The following CREB5 variants were observed in gnomAD, a reference collection of about 807,000 sequenced individuals.
CREB5 encodes cAMP responsive element binding protein 5.
CREB5 carries 19 observed loss-of-function variants against 57.1 expected under a neutral mutation model. The ratio of observed to expected loss-of-function variants is 0.33; its 90% CI spans 0.23 to 0.49. The LOEUF (loss-of-function observed/expected upper bound fraction) is 0.49. Among genes scored for constraint, CREB5 ranks in the 20% least tolerant of loss-of-function variants. CREB5 has a pLI of 0.99. For synonymous variants in CREB5, 238 were observed against 238.3 expected, an observed-to-expected ratio of 1.00 and a Z score of 0.01; for missense variants, 579 against 671.6, an observed-to-expected ratio of 0.86 and a Z score of 1.52.
chr7:28,818,976 C>T (rs1365727220), intron 10 of CREB5, 140 bp from the exon 11 acceptor site: 6 of 1,021,334 alleles, frequency 5.9e-6, no homozygotes, highest in Non-Finnish European at 8.6e-6. Context: ...TTGAAATTAA[C>T]TTTCAGAAGA....
At chr7:28,349,527 G>T (rs1165007059) in intron 1 of CREB5, among the ~76,000 whole-genome samples, 1 of 151,994 alleles carries the variant, frequency 6.6e-6, no homozygotes, top group African/African-American at 2.4e-5. Context: ...CAATAGGGAG[G>T]TGTGAAATTT....
At chr7:28,478,241 T>TA in intron 1 of CREB5, among the ~76,000 whole-genome samples, 1 of 152,150 alleles carries the variant, frequency 6.6e-6, no homozygotes, top group Non-Finnish European at 1.5e-5. Flanking sequence ...GTTGCTTCCT[T>TA]ATGAGATCAG....
intron 7 of CREB5, 199 bp downstream of exon 7, chr7:28,724,531 T>C: frequency 1.8e-6 from 1 of 557,696 alleles, no homozygotes; most frequent in South Asian, 2.1e-5. Context: ...TAACAAGCAC[T>C]GGATTGGCAA....
rs571836048 is a variant in CREB5, at chr7:28,682,494, T to C, written c.465-36259T>C. ...AAAAGGAAGAGATGCCACTTTTTTCTGAATAATTTTTAATACTAGGTTTAT... is the reference window on the plus strand; with the variant it reads ...AAAAGGAAGAGATGCCACTTTTTTCCGAATAATTTTTAATACTAGGTTTAT... On this transcript the variant is annotated intron_variant, in intron 5 of 10. Transcript: ENST00000357727. 1.3e-4 allele frequency among the ~76,000 whole-genome samples: 20 copies of C among 152,360 alleles called. No individual in the cohort carries two copies. The South Asian group carries it at 4.1e-3, about 32-fold the overall frequency.
chr7:28,325,046 C>CA (rs1785560588), intron 1 of CREB5, among the ~76,000 whole-genome samples: 1 of 152,230 alleles, frequency 6.6e-6, no homozygotes, highest in Non-Finnish European at 1.5e-5. Flanking sequence ...CACTCTACTA[C>CA]ATACTGTCAT....
At chr7:28,554,886 T>A (rs1415383012) in intron 4 of CREB5, among the ~76,000 whole-genome samples, 1 of 152,242 alleles carries the variant, frequency 6.6e-6, no homozygotes, top group Non-Finnish European at 1.5e-5. Context: ...AGAGCTTGAA[T>A]ACAAGGAGAA....
intron 4 of CREB5, among the ~76,000 whole-genome samples, chr7:28,538,242 C>T (rs1794053149): frequency 6.6e-6 from 1 of 152,006 alleles, no homozygotes. Context: ...TTAGTAGAGA[C>T]AGAGTTTCGC....
intron 2 of CREB5, among the ~76,000 whole-genome samples, chr7:28,494,084 T>A (rs974361491): frequency 6.6e-6 from 1 of 152,212 alleles, no homozygotes; most frequent in East Asian, 1.9e-4. Context: ...CCATAGATAA[T>A]GTCTAGCATA....
intron 1 of CREB5, among the ~76,000 whole-genome samples, chr7:28,313,551 T>C (rs1298382584): frequency 6.6e-6 from 1 of 152,220 alleles, no homozygotes; most frequent in East Asian, 1.9e-4. Flanking sequence ...ATCTGATCTA[T>C]TCCTGGGAAA....
Position 28,560,861 on chromosome 7 carries a change from T to TGCGCGTGCGTGC in CREB5, c.292-9503_292-9502insCGCGTGCGTGCG, listed in dbSNP as rs1358670336. 6.5e-5 allele frequency among the ~76,000 whole-genome samples: 3 copies of TGCGCGTGCGTGC among 45,864 alleles called. 1 individual carries two copies. The highest frequency in any genetic ancestry group is 1.4e-4 in the Non-Finnish European group (3 of 21,574). The allele number at this position is 45,864 out of a possible 152,430, so 30.1% of individuals were successfully genotyped here. On this transcript the variant is annotated intron_variant, in intron 4 of 10. Transcript: ENST00000357727. ...GTGTGTGTGCGCGTGTGTGTGTGCG[T>TGCGCGTGCGTGC]GTGCCTGCGTGCGCGTGCGTGCGTG...
At chr7:28,488,901 C>T (rs1328385315) in intron 2 of CREB5, among the ~76,000 whole-genome samples, 8 of 152,196 alleles carry the variant, frequency 5.3e-5, no homozygotes, top group Non-Finnish European at 1.0e-4. Context: ...TTATTGTCCA[C>T]TGTTGTTACT....
intron 7 of CREB5, among the ~76,000 whole-genome samples, chr7:28,725,644 TTAA>T (rs1803287546): frequency 7.3e-6 from 1 of 136,778 alleles, no homozygotes; most frequent in Non-Finnish European, 1.6e-5. Context: ...ATATCTTTTT[TTAA>T]AAAAAAAAAA....
At chr7:28,739,276 C>T (rs566977889) in intron 7 of CREB5, among the ~76,000 whole-genome samples, 69 of 152,186 alleles carry the variant, frequency 4.5e-4, no homozygotes, top group South Asian at 8.3e-4. Context: ...ACATTTCAAG[C>T]GCTCAATAAC....
chr7:28,365,915 C>T (rs1786577238), intron 1 of CREB5, among the ~76,000 whole-genome samples: 1 of 152,012 alleles, frequency 6.6e-6, no homozygotes, highest in Non-Finnish European at 1.5e-5. Flanking sequence ...CTATATTGTT[C>T]ATCATAAGTT....
intron 9 of CREB5, among the ~76,000 whole-genome samples, chr7:28,810,547 A>G (rs1236271377): frequency 6.6e-6 from 1 of 151,910 alleles, no homozygotes; most frequent in Non-Finnish European, 1.5e-5. Context: ...ACAAAAAAAA[A>G]TTGCCAGGTG....
chr7:28,584,278 A>T (rs1371827255), intron 5 of CREB5, among the ~76,000 whole-genome samples: 1 of 152,076 alleles, frequency 6.6e-6, no homozygotes, highest in Non-Finnish European at 1.5e-5. Context: ...TCATGATCTG[A>T]ATTGTGTCCC....
chr7:28,523,938 G>A (rs1316279968), intron 4 of CREB5, among the ~76,000 whole-genome samples: 3 of 152,146 alleles, frequency 2.0e-5, no homozygotes, highest in Non-Finnish European at 4.4e-5. Context: ...CTGGGACTGT[G>A]AGCCATGTTA....
chr7:28,700,905 A>ACT (rs1212456809), intron 5 of CREB5, among the ~76,000 whole-genome samples: 14 of 151,902 alleles, frequency 9.2e-5, no homozygotes, highest in African/African-American at 3.4e-4. Flanking sequence ...GAGTCATCTA[A>ACT]CTTCTGAGTT....
At chr7:28,815,800 T>C (rs1006466570) in intron 9 of CREB5, among the ~76,000 whole-genome samples, 49 of 152,268 alleles carry the variant, frequency 3.2e-4, no homozygotes, top group Non-Finnish European at 1.0e-4. Context: ...TGTTTTTTCT[T>C]CCAAAAGTAT....
Sources: allele counts gnomAD v4.1 joint callset (sites outside exome capture counted in the v4.1 genomes callset), GRCh38; gene constraint gnomAD v4.1.1; transcripts MANE v1.5; gene names NCBI Gene and HGNC (gene_info 2026-07-23, HGNC 2026-07-21).